PLCZ1: variants seen among roughly 807,000 people sequenced by gnomAD.
PLCZ1 encodes 1-phosphatidylinositol 4,5-bisphosphate phosphodiesterase zeta-1.
Under a neutral mutation model 76.8 loss-of-function variants are expected in PLCZ1, and 64 were observed. The ratio of observed to expected loss-of-function variants is 0.83; its 90% CI spans 0.68 to 1.03. PLCZ1 has a LOEUF of 1.03. PLCZ1 is among the 50% of genes least tolerant of loss of function. PLCZ1 has a pLI of 0.00. For synonymous variants in PLCZ1, 248 were observed against 230.8 expected, an observed-to-expected ratio of 1.07 and a Z score of -0.68; for missense variants, 751 against 713.7, an observed-to-expected ratio of 1.05 and a Z score of -0.60.
In PLCZ1 at chr12:18,719,478, C is replaced by A. The variant is rs77907218; in HGVS notation, c.522G>T (p.Leu174Phe). 1.6e-5 allele frequency: 25 copies of A among 1,573,248 alleles called. No individual in the cohort carries two copies. The highest frequency in any genetic ancestry group is 5.3e-5 in the Admixed American group (3 of 56,820). ...YFISSSHNTYLVSDQLLGPSD... is the reference protein window; with the variant it reads ...YFISSSHNTYFVSDQLLGPSD... ...TTGGTCCCAATAATTGATCAGATAC[C>A]AAATATGTGTTATGTGAAGATGAAA... Residue 174 changes from leucine (L) to phenylalanine (F), a missense_variant, in exon 5 of 15, where the codon TTG (leucine) becomes TTT (phenylalanine). Transcript: ENST00000266505.
intron 3 of PLCZ1, among the ~76,000 whole-genome samples, chr12:18,733,826 T>G (rs78564314): frequency 0.034 from 5,223 of 152,278 alleles, 295 homozygotes; most frequent in African/African-American, 0.12. Flanking sequence ...AGTCTACATA[T>G]TTGTTTTTAT....
At chr12:18,659,960 G>A in the PLCZ1 span, among the ~76,000 whole-genome samples, 1 of 152,048 alleles carries the variant, frequency 6.6e-6, no homozygotes, top group Non-Finnish European at 1.5e-5. Context: ...GAGAAATAAA[G>A]AACACTGCTA....
chr12:18,697,504 T>C (rs535244845), intron 10 of PLCZ1, among the ~76,000 whole-genome samples: 3 of 152,254 alleles, frequency 2.0e-5, no homozygotes, highest in African/African-American at 4.8e-5. Flanking sequence ...TAAGGTCTCA[T>C]AACATAATAT....
intron 12 of PLCZ1, chr12:18,693,964 G>A (rs562058585): frequency 2.0e-6 from 3 of 1,514,428 alleles, no homozygotes; most frequent in Admixed American, 1.7e-5. Flanking sequence ...CTGACATCAA[G>A]GCAGTCTGTA....
At chr12:18,675,830 C>G in the PLCZ1 span, among the ~76,000 whole-genome samples, 516 of 149,176 alleles carry the variant, frequency 3.5e-3, no homozygotes, top group African/African-American at 0.012. Context: ...TACAAATGAA[C>G]AGATAGGTAA....
rs1954456726 is a variant in PLCZ1 at position 18,693,484 on chromosome 12, C to T, written c.1461+1426G>A. The T allele has an allele frequency of 7.1e-5, 115 of 1,608,558 alleles. No individual in the cohort carries two copies. In the South Asian group the frequency reaches 1.2e-3, roughly 17 times the overall value. On this transcript the variant is annotated intron_variant, in intron 12 of 14. Coordinates refer to ENST00000266505, the MANE Select transcript of PLCZ1 (RefSeq NM_033123.4). ...CTGGCACAGGTAAAACCTTGTTAGC[C>T]AAAGCAGTAGCAAACCAAACCTCAG...
At chr12:18,663,845 C>T in the PLCZ1 span, among the ~76,000 whole-genome samples, 2 of 152,232 alleles carry the variant, frequency 1.3e-5, no homozygotes, top group East Asian at 3.9e-4. Context: ...GCAAATCATA[C>T]ATCTTATAAG....
chr12:18,697,828 A>G, intron 10 of PLCZ1, among the ~76,000 whole-genome samples: 1 of 151,982 alleles, frequency 6.6e-6, no homozygotes, highest in East Asian at 1.9e-4. Context: ...CATTATGTTT[A>G]TAATAATAAT....
the PLCZ1 span, among the ~76,000 whole-genome samples, chr12:18,656,277 T>C: frequency 6.6e-6 from 1 of 151,918 alleles, no homozygotes; most frequent in African/African-American, 2.4e-5. Flanking sequence ...AAAAAAGCAT[T>C]AAAAAATATT....
chr12:18,711,678 A>T (rs148121611), intron 6 of PLCZ1, among the ~76,000 whole-genome samples: 1 of 151,868 alleles, frequency 6.6e-6, no homozygotes, highest in East Asian at 1.9e-4. Context: ...CATTGATGAG[A>T]TGGGGAAGAT....
intron 3 of PLCZ1, among the ~76,000 whole-genome samples, chr12:18,729,117 A>G (rs555036475): frequency 1.1e-3 from 167 of 152,222 alleles, no homozygotes; most frequent in African/African-American, 3.8e-3. Flanking sequence ...CCTTGCCTGC[A>G]AAAGGAAATA....
chr12:18,666,775 T>C, the PLCZ1 span, among the ~76,000 whole-genome samples: 1 of 152,172 alleles, frequency 6.6e-6, no homozygotes, highest in African/African-American at 2.4e-5. Flanking sequence ...CAAGTAGACA[T>C]GAAACATTCT....
intron 4 of PLCZ1, among the ~76,000 whole-genome samples, chr12:18,720,618 T>G (rs1958383605): frequency 6.6e-6 from 1 of 151,940 alleles, no homozygotes. Flanking sequence ...TCTAAAATTT[T>G]TAGTTGCTAT....
At chr12:18,692,852 T>C in intron 12 of PLCZ1, 2 of 1,597,598 alleles carry the variant, frequency 1.3e-6, no homozygotes, top group Non-Finnish European at 1.7e-6. Context: ...AAAAGAAATA[T>C]GAACCTCCTG....
chr12:18,665,725 A>G, the PLCZ1 span, among the ~76,000 whole-genome samples: 1 of 152,106 alleles, frequency 6.6e-6, no homozygotes, highest in Non-Finnish European at 1.5e-5. Flanking sequence ...TCACGAGGTC[A>G]GGAGATCGAG....
intron 7 of PLCZ1, among the ~76,000 whole-genome samples, chr12:18,704,123 G>C (rs770326475): frequency 6.6e-6 from 1 of 152,152 alleles, no homozygotes; most frequent in Non-Finnish European, 1.5e-5. Flanking sequence ...TTCAGGGAAA[G>C]GAAGTGGAGG....
chr12:18,684,666 T>C (rs920834594), intron 13 of PLCZ1, among the ~76,000 whole-genome samples: 1 of 152,084 alleles, frequency 6.6e-6, no homozygotes, highest in African/African-American at 2.4e-5. Context: ...TTATGCAATA[T>C]GACTGATGTA....
At chr12:18,714,241 A>G (rs1376938812) in intron 5 of PLCZ1, among the ~76,000 whole-genome samples, 1 of 152,180 alleles carries the variant, frequency 6.6e-6, no homozygotes, top group Non-Finnish European at 1.5e-5. Context: ...GACACATACA[A>G]AGAGTTGCAT....
chr12:18,685,844 G>GCACACA (rs765449096), intron 13 of PLCZ1, among the ~76,000 whole-genome samples: 3 of 48,244 alleles, frequency 6.2e-5, no homozygotes, highest in African/African-American at 1.4e-4. Flanking sequence ...ACACACACAC[G>GCACACA]CGCACACACA....
Sources: gnomAD v4.1 joint callset for allele counts (sites outside exome capture counted in the v4.1 genomes callset) on GRCh38, gnomAD v4.1.1 for gene constraint, MANE v1.5 for transcripts, NCBI Gene and HGNC (gene_info 2026-07-23, HGNC 2026-07-21) for gene names.